The following CDYL2 variants were observed in gnomAD, a reference collection of about 807,000 sequenced individuals.
CDYL2 encodes the protein chromodomain Y-like protein 2.
CDYL2 carries 23 observed loss-of-function variants against 49.4 expected under a neutral mutation model. The observed-to-expected ratio is 0.47, with a 90% CI of 0.34 to 0.66. The LOEUF is 0.66. Among genes scored for constraint, CDYL2 ranks in the 30% least tolerant of loss-of-function variants. CDYL2 has a pLI of 0.01. For synonymous variants in CDYL2, 360 were observed against 268.8 expected (o/e 1.34, Z -3.32); for missense variants, 678 against 656.4 (o/e 1.03, Z -0.36).
intron 1 of CDYL2, among the ~76,000 whole-genome samples, chr16:80,741,715 T>A (rs1228021329): frequency 8.5e-5 from 13 of 152,142 alleles, no homozygotes; most frequent in Non-Finnish European, 5.9e-5. Flanking sequence ...TCACCAGTAA[T>A]AAAAGTATTG....
At chr16:80,737,183 A>C (rs1905566039) in intron 1 of CDYL2, among the ~76,000 whole-genome samples, 1 of 152,144 alleles carries the variant, frequency 6.6e-6, no homozygotes, top group African/African-American at 2.4e-5. Context: ...TGTACCTACC[A>C]GTGTGTAAGT....
At position 80,600,854 on chromosome 16, in the gene CDYL2, CTAT is replaced by C. The variant is rs949747580; in HGVS notation, c.*3531_*3533del. On this transcript the variant is annotated 3_prime_UTR_variant, in exon 7 of 7. Coordinates refer to ENST00000570137, the MANE Select transcript of CDYL2 (RefSeq NM_152342.4). Reference sequence around the variant, plus strand: ...AATGCAATTCAGCATTCAGTGAAGGCTATTTTTAAATGTGGATATTCAGAGATA... The same window carrying C: ...AATGCAATTCAGCATTCAGTGAAGGCTTTTAAATGTGGATATTCAGAGATA... 1 of 152,134 alleles carries C rather than the reference CTAT, an allele frequency of 6.6e-6. No individual in the cohort carries two copies. The highest frequency in any genetic ancestry group is 1.5e-5 in the Non-Finnish European group (1 of 68,028). The allele number at this position is 152,134 out of a possible 1,614,324, so 9.4% of individuals were successfully genotyped here. A position where few individuals can be genotyped will look rare whatever the true frequency, so the allele number is the denominator to read the frequency against.
At chr16:80,621,898 C>A (rs1428192240) in intron 3 of CDYL2, among the ~76,000 whole-genome samples, 2 of 152,122 alleles carry the variant, frequency 1.3e-5, no homozygotes, top group African/African-American at 4.8e-5. Context: ...AGTGGTAAGA[C>A]CAACAAGTGC....
At chr16:80,766,705 T>A (rs1906738100) in intron 1 of CDYL2, among the ~76,000 whole-genome samples, 1 of 152,162 alleles carries the variant, frequency 6.6e-6, no homozygotes, top group Non-Finnish European at 1.5e-5. Flanking sequence ...GATAGATAGA[T>A]CATATATCTA....
intron 1 of CDYL2, among the ~76,000 whole-genome samples, chr16:80,795,644 G>C (rs1032829069): frequency 6.6e-6 from 1 of 152,096 alleles, no homozygotes; most frequent in Non-Finnish European, 1.5e-5. Context: ...CAGAGCCAGG[G>C]GCTGACTCCA....
intron 1 of CDYL2, among the ~76,000 whole-genome samples, chr16:80,791,127 A>C (rs1907595661): frequency 6.6e-6 from 1 of 152,210 alleles, no homozygotes; most frequent in Admixed American, 6.5e-5. Context: ...TCCTCTAAAT[A>C]CAAGATTACA....
At chr16:80,738,081 C>T (rs1167782193) in intron 1 of CDYL2, among the ~76,000 whole-genome samples, 1 of 151,530 alleles carries the variant, frequency 6.6e-6, no homozygotes, top group Non-Finnish European at 1.5e-5. Context: ...TGTGTTCTCA[C>T]TGTTCAACTC....
intron 1 of CDYL2, among the ~76,000 whole-genome samples, chr16:80,766,644 G>T (rs1386626802): frequency 1.3e-5 from 2 of 152,130 alleles, no homozygotes; most frequent in Non-Finnish European, 2.9e-5. Context: ...ATTCCAAGAG[G>T]TGCAGAAATT....
At chr16:80,630,098 T>C (rs1907490129) in intron 3 of CDYL2, among the ~76,000 whole-genome samples, 1 of 152,218 alleles carries the variant, frequency 6.6e-6, no homozygotes, top group Non-Finnish European at 1.5e-5. Context: ...AGCCTCTTCA[T>C]TTCAGTAGGA....
At position 80,787,172 on chromosome 16, in the gene CDYL2, C is replaced by T. The variant is rs1278536168; in HGVS notation, c.24+16978G>A. ...AGAATAGATGACAAAGAGGATATGC[C>T]GGGAGTCTAGTTAAGAGACTATTGT... On this transcript the variant is annotated intron_variant, in intron 1 of 6. Coordinates refer to ENST00000570137, the MANE Select transcript of CDYL2 (RefSeq NM_152342.4). Among the ~76,000 whole-genome samples, 7 of 152,134 alleles carry T rather than the reference C, an allele frequency of 4.6e-5. No individual in the cohort carries two copies. The East Asian group carries it at 5.8e-4, about 13-fold the overall frequency.
chr16:80,607,461 C>G (rs1407688324), intron 6 of CDYL2, among the ~76,000 whole-genome samples: 2 of 152,226 alleles, frequency 1.3e-5, no homozygotes, highest in Admixed American at 1.3e-4. Flanking sequence ...CCCAAAATGC[C>G]TCTCTCAGCT....
chr16:80,787,526 C>G (rs16954015), intron 1 of CDYL2, among the ~76,000 whole-genome samples: 1,969 of 152,284 alleles, frequency 0.013, 36 homozygotes, highest in African/African-American at 0.044. Context: ...TTAAAATCAA[C>G]AGAAGTGTCA....
At chr16:80,787,277 T>C (rs1907468761) in intron 1 of CDYL2, among the ~76,000 whole-genome samples, 2 of 152,170 alleles carry the variant, frequency 1.3e-5, no homozygotes, top group South Asian at 4.1e-4. Context: ...CTGAGAGGTC[T>C]TGGGGACAGA....
intron 2 of CDYL2, among the ~76,000 whole-genome samples, chr16:80,668,944 T>C (rs1317414017): frequency 1.3e-5 from 2 of 152,120 alleles, no homozygotes; most frequent in Middle Eastern, 3.4e-3. Flanking sequence ...TAAATGCTTA[T>C]ATTTTCCATA....
chr16:80,727,073 A>C (rs1905187106), intron 1 of CDYL2, among the ~76,000 whole-genome samples: 1 of 152,214 alleles, frequency 6.6e-6, no homozygotes, highest in Admixed American at 6.5e-5. Flanking sequence ...CAATCTCAAA[A>C]AGAAAAAAAA....
rs1907048145 is a variant in CDYL2 at position 80,620,826 on chromosome 16, T to C, written c.944A>G (p.Tyr315Cys). The C allele has an allele frequency of 6.2e-7, 1 of 1,612,564 alleles. No homozygotes were observed. The highest frequency in any genetic ancestry group is 1.3e-5 in the African/African-American group (1 of 74,834). The change falls in exon 4 of 7, where the codon TAC (tyrosine) becomes TGC (cysteine). Residue 315 changes from tyrosine to cysteine, a missense_variant. Physicochemically the swap from Tyr to Cys is radical, Grantham distance 194 (BLOSUM62 -2). Coordinates refer to ENST00000570137, the MANE Select transcript of CDYL2 (RefSeq NM_152342.4). ...GTCGCTGGACAACCGGCCAATTAGG[T>C]AGGAATAATCCAGGCCGCTGCAGAA... ...SVFCSGLDYSYLIGRLSSDRR... is the reference protein window; with the variant it reads ...SVFCSGLDYSCLIGRLSSDRR...
At chr16:80,803,020 G>A (rs1187919336) in intron 1 of CDYL2, among the ~76,000 whole-genome samples, 1 of 152,240 alleles carries the variant, frequency 6.6e-6, no homozygotes, top group East Asian at 1.9e-4. Context: ...TGGTTTCACG[G>A]AGGCCCAGAA....
Position 80,804,272 on chromosome 16 carries a change from C to CGTGTGTGTGCGA in CDYL2, c.-111_-100dup. On this transcript the variant is annotated 5_prime_UTR_variant, in exon 1 of 7. Transcript: ENST00000570137. ...TCCGGTGTGCGCGTGTGTGTGCGCG[C>CGTGTGTGTGCGA]GTGTGTGTGCGAGTGTGTGTGGTGT... is the stretch of plus-strand genomic sequence containing the variant. 9.1e-7 allele frequency: 1 copy of CGTGTGTGTGCGA among 1,096,494 alleles called. No individual in the cohort carries two copies. 67.9% of individuals were successfully genotyped at this position (1,096,494 alleles called of 1,614,324 possible).
At chr16:80,616,802 C>T (rs1435715241) in intron 4 of CDYL2, among the ~76,000 whole-genome samples, 4 of 152,202 alleles carry the variant, frequency 2.6e-5, no homozygotes, top group Non-Finnish European at 2.9e-5. Flanking sequence ...AGGAATAGCC[C>T]GAGTGTTTCA....
Sources: allele counts gnomAD v4.1 joint callset (sites outside exome capture counted in the v4.1 genomes callset), GRCh38; gene constraint gnomAD v4.1.1; transcripts MANE v1.5; gene names NCBI Gene and HGNC (gene_info 2026-07-23, HGNC 2026-07-21).